The following FRMPD4 variants were observed in gnomAD, a reference collection of about 807,000 sequenced individuals.
FRMPD4 encodes FERM and PDZ domain containing 4, also known as FERM and PDZ domain-containing protein 4.
FRMPD4 carries 22 observed loss-of-function variants against 94.1 expected under a neutral mutation model. The ratio of observed to expected loss-of-function variants is 0.23; its 90% CI spans 0.17 to 0.33. The LOEUF (loss-of-function observed/expected upper bound fraction) is 0.33, where lower values mean the gene tolerates loss of function less well. FRMPD4 is among the 10% of genes least tolerant of loss of function. The pLI is 1.00. For missense variants in FRMPD4, 1,111 were observed against 1,339.9 expected (o/e 0.83, Z 2.67); for synonymous variants, 631 against 548.6 (o/e 1.15, Z -2.10).
At chrX:12,044,025 G>T (rs2054772457) in intron 3 of FRMPD4, among the ~76,000 whole-genome samples, 1 of 111,181 alleles carries the variant, frequency 9.0e-6, no homozygotes, top group Non-Finnish European at 1.9e-5. Context: ...GTGTAATTTG[G>T]CTATTTGAAT....
chrX:12,581,270 A>G (rs2058861737), intron 2 of FRMPD4, among the ~76,000 whole-genome samples: 1 of 112,585 alleles, frequency 8.9e-6, no homozygotes, highest in Admixed American at 9.4e-5. Context: ...ATCACTTGGC[A>G]TATAAAGAAA....
intron 1 of FRMPD4, among the ~76,000 whole-genome samples, chrX:12,431,193 A>T (rs2057005966): frequency 8.9e-6 from 1 of 112,882 alleles, no homozygotes; most frequent in Admixed American, 9.3e-5. Flanking sequence ...TCTGCTCTCA[A>T]GGAATCAAGG....
chrX:12,016,136 C>T (rs766217934), intron 3 of FRMPD4, among the ~76,000 whole-genome samples: 73 of 112,017 alleles, frequency 6.5e-4, no homozygotes, highest in African/African-American at 2.1e-3. Flanking sequence ...GAAAATTATA[C>T]ACCTTCCTGG....
intron 1 of FRMPD4, among the ~76,000 whole-genome samples, chrX:11,834,151 T>C (rs1184985293): frequency 1.8e-5 from 2 of 111,772 alleles, no homozygotes; most frequent in Admixed American, 9.6e-5. Context: ...CATCCAGTTA[T>C]AACTCCCTTG....
chrX:12,418,009 A>AAC (rs1555963561), intron 1 of FRMPD4, among the ~76,000 whole-genome samples: 1 of 108,723 alleles, frequency 9.2e-6, no homozygotes, highest in African/African-American at 3.3e-5. Flanking sequence ...AAAAAAAAAA[A>AAC]AAACAAACAA....
chrX:12,072,482 T>C (rs1334772704), intron 3 of FRMPD4, among the ~76,000 whole-genome samples: 1 of 111,898 alleles, frequency 8.9e-6, no homozygotes, highest in Non-Finnish European at 1.9e-5. Flanking sequence ...ATAACATGGC[T>C]TTGTGCACTA....
chrX:12,158,912 A>C (rs2055979184), intron 1 of FRMPD4, among the ~76,000 whole-genome samples: 1 of 111,812 alleles, frequency 8.9e-6, no homozygotes, highest in South Asian at 3.7e-4. Flanking sequence ...TTGTAAATTC[A>C]CTGTTATCTA....
intron 2 of FRMPD4, among the ~76,000 whole-genome samples, chrX:12,525,123 T>C (rs6641032): frequency 0.19 from 21,163 of 109,576 alleles, 1,763 homozygotes; most frequent in African/African-American, 0.31. Context: ...CTCCTGGGGG[T>C]ATTTGCATTT....
chrX:12,047,707 A>G (rs755023391), intron 3 of FRMPD4, among the ~76,000 whole-genome samples: 1 of 111,501 alleles, frequency 9.0e-6, no homozygotes, highest in East Asian at 2.8e-4. Context: ...GTTCATGTGT[A>G]CCCGATGTTT....
chrX:11,908,890 G>T (rs1235711976), intron 3 of FRMPD4, among the ~76,000 whole-genome samples: 1 of 111,408 alleles, frequency 9.0e-6, no homozygotes, highest in Admixed American at 9.5e-5. Context: ...GTTACATCTT[G>T]CATTTCTAGA....
chrX:12,075,200 A>G (rs2055003029), intron 3 of FRMPD4, among the ~76,000 whole-genome samples: 1 of 112,169 alleles, frequency 8.9e-6, no homozygotes, highest in Admixed American at 9.4e-5. Flanking sequence ...GTCATTATAC[A>G]TTTGTCTAAA....
chrX:12,268,166 T>TTAGA, intron 1 of FRMPD4, among the ~76,000 whole-genome samples: 1 of 111,630 alleles, frequency 9.0e-6, no homozygotes, highest in East Asian at 2.8e-4. Context: ...AGTGGGAGAT[T>TTAGA]TTTAATTGAC....
chrX:11,883,345 C>A (rs994629960), intron 3 of FRMPD4, among the ~76,000 whole-genome samples: 1 of 111,952 alleles, frequency 8.9e-6, no homozygotes, highest in Non-Finnish European at 1.9e-5. Context: ...GGATCTGGTC[C>A]TTATGTGTGA....
intron 5 of FRMPD4, among the ~76,000 whole-genome samples, chrX:12,678,386 T>C (rs762526383): frequency 8.9e-6 from 1 of 112,782 alleles, no homozygotes; most frequent in South Asian, 3.6e-4. Flanking sequence ...GGCTCCGATA[T>C]ACCGTCTTCT....
At chrX:12,558,249 T>C (rs767223065) in intron 2 of FRMPD4, among the ~76,000 whole-genome samples, 6 of 112,780 alleles carry the variant, frequency 5.3e-5, no homozygotes, top group African/African-American at 1.9e-4. Flanking sequence ...CCTCACAAGG[T>C]TGATTGCGCA....
chrX:12,123,052 G>T (rs1167467302), intron 3 of FRMPD4, among the ~76,000 whole-genome samples: 2 of 108,994 alleles, frequency 1.8e-5, no homozygotes, highest in Non-Finnish European at 3.8e-5. Context: ...TTTAGCCCAG[G>T]TTTCCAACTC....
intron 1 of FRMPD4, among the ~76,000 whole-genome samples, chrX:12,366,835 T>C (rs1217805495): frequency 1.8e-5 from 2 of 111,554 alleles, no homozygotes; most frequent in East Asian, 5.7e-4. Context: ...AGCCGAAAGT[T>C]GAATGGGGCT....
At chrX:12,191,441 A>C (rs1177759734) in intron 1 of FRMPD4, among the ~76,000 whole-genome samples, 1 of 112,278 alleles carries the variant, frequency 8.9e-6, no homozygotes, top group African/African-American at 3.2e-5. Context: ...AAAAGCCCGC[A>C]CACGAATGTT....
intron 1 of FRMPD4, among the ~76,000 whole-genome samples, chrX:12,297,572 G>C (rs1326906245): frequency 9.0e-6 from 1 of 111,688 alleles, no homozygotes; most frequent in East Asian, 2.8e-4. Context: ...AAAAATACAG[G>C]GAATTGTGGG....
Sources: allele counts gnomAD v4.1 joint callset (sites outside exome capture counted in the v4.1 genomes callset), GRCh38; gene constraint gnomAD v4.1.1; transcripts MANE v1.5; gene names NCBI Gene and HGNC (gene_info 2026-07-23, HGNC 2026-07-21).